The following ANKIB1 variants were observed in gnomAD, a reference collection of about 807,000 sequenced individuals.
The protein encoded by ANKIB1 is ankyrin repeat and IBR domain containing 1.
ANKIB1 carries 43 observed loss-of-function variants against 122.1 expected under a neutral mutation model. That is an observed-to-expected ratio of 0.35 (90% CI 0.28 to 0.45). ANKIB1 has a LOEUF of 0.45. Ranked by LOEUF, ANKIB1 falls within the 20% of genes least tolerant of loss-of-function variation. The pLI, the probability that ANKIB1 is intolerant of heterozygous loss-of-function variation, is 1.00. For synonymous variants in ANKIB1, 390 were observed against 442.0 expected, an observed-to-expected ratio of 0.88 and a Z score of 1.48; for missense variants, 992 against 1,329.5, an observed-to-expected ratio of 0.75 and a Z score of 3.95.
intron 3 of ANKIB1, among the ~76,000 whole-genome samples, chr7:92,314,815 T>A (rs1236765647): frequency 6.6e-6 from 1 of 152,118 alleles, no homozygotes; most frequent in Non-Finnish European, 1.5e-5. Context: ...CAGACATTGG[T>A]AAGTTGAGTA....
chr7:92,385,217 AAGTC>A (rs1451484651), intron 11 of ANKIB1, among the ~76,000 whole-genome samples: 3 of 152,250 alleles, frequency 2.0e-5, no homozygotes, highest in African/African-American at 7.2e-5. Flanking sequence ...GATCATTAAA[AAGTC>A]AGGAAACAAC....
Position 92,398,456 on chromosome 7 carries a change from G to A in ANKIB1, c.2777G>A (p.Gly926Glu). ...LELGDSLMRLGAENDPFSTDT... is the reference protein window; with the variant it reads ...LELGDSLMRLEAENDPFSTDT... Reference sequence around the variant, plus strand: ...CTTGGTGACAGCCTCATGAGACTAGGAGCAGAGAATGACCCATTTTCAACT... The same window carrying A: ...CTTGGTGACAGCCTCATGAGACTAGAAGCAGAGAATGACCCATTTTCAACT... Residue 926 changes from glycine (G) to glutamate (E), a missense_variant, in exon 20 of 20, where the codon GGA (glycine) becomes GAA (glutamate). Transcript: ENST00000265742. The A allele has an allele frequency of 6.2e-7, 1 of 1,613,876 alleles. No individual in the cohort carries two copies. Among genetic ancestry groups the A allele is most frequent in the East Asian group, 2.2e-5 (1 of 44,850 alleles).
At chr7:92,354,257 T>G (rs1585122430) in intron 9 of ANKIB1, among the ~76,000 whole-genome samples, 1 of 152,326 alleles carries the variant, frequency 6.6e-6, no homozygotes, top group East Asian at 1.9e-4. Flanking sequence ...GAATAACATT[T>G]GGAGAAATAC....
chr7:92,299,685 G>A (rs954630877), intron 2 of ANKIB1, among the ~76,000 whole-genome samples: 4 of 151,966 alleles, frequency 2.6e-5, no homozygotes, highest in African/African-American at 4.8e-5. Flanking sequence ...AAACAATGCC[G>A]CTCTTTTCAC....
At chr7:92,351,626 G>A (rs1483488286) in intron 8 of ANKIB1, among the ~76,000 whole-genome samples, 1 of 150,874 alleles carries the variant, frequency 6.6e-6, no homozygotes, top group Non-Finnish European at 1.5e-5. Flanking sequence ...TCTTTTGCGT[G>A]TGTGATTTAA....
intron 3 of ANKIB1, among the ~76,000 whole-genome samples, chr7:92,317,134 G>T (rs1802810647): frequency 6.6e-6 from 1 of 152,172 alleles, no homozygotes; most frequent in Admixed American, 6.5e-5. Context: ...TCCTGCTATG[G>T]ATATGATAAG....
chr7:92,319,623 T>TTAGAATA, intron 4 of ANKIB1, 111 bp downstream of exon 4: 3 of 1,065,960 alleles, frequency 2.8e-6, no homozygotes, highest in Non-Finnish European at 4.1e-6. Context: ...TTTACAGTAT[T>TTAGAATA]CTAAATATCC....
Position 92,307,662 on chromosome 7 carries a change from T to A in ANKIB1, c.486+6T>A, listed in dbSNP as rs1263907812. The A allele has an allele frequency of 3.6e-5, 14 of 385,756 alleles. No individual in the cohort carries two copies. Among genetic ancestry groups the A allele is most frequent in the South Asian group, 6.5e-5 (1 of 15,306 alleles). The allele number at this position is 385,756 out of a possible 1,614,324, so 23.9% of individuals were successfully genotyped here. On this transcript the variant is annotated splice_donor_region_variant and intron_variant, in intron 3 of 19. Transcript: ENST00000265742. ...GGATGAAAGCCTGTGTAGAGGTAAATTTTTTTTTTTTTTAATATTCTGCAT... is the reference window on the plus strand; with the variant it reads ...GGATGAAAGCCTGTGTAGAGGTAAAATTTTTTTTTTTTTAATATTCTGCAT...
At chr7:92,357,765 A>C (rs985470000) in intron 9 of ANKIB1, among the ~76,000 whole-genome samples, 1 of 151,428 alleles carries the variant, frequency 6.6e-6, no homozygotes. Context: ...AGAAAAAAAA[A>C]CTTTCTTTAG....
At chr7:92,359,518 G>A (rs1490937397) in intron 9 of ANKIB1, among the ~76,000 whole-genome samples, 1 of 152,142 alleles carries the variant, frequency 6.6e-6, no homozygotes, top group East Asian at 1.9e-4. Flanking sequence ...TGTGAATAGT[G>A]CTGCAATAAA....
intron 1 of ANKIB1, among the ~76,000 whole-genome samples, chr7:92,258,202 A>G (rs977356479): frequency 1.3e-5 from 2 of 152,222 alleles, no homozygotes; most frequent in African/African-American, 4.8e-5. Context: ...TTATCTTTTA[A>G]CTACCCAAAA....
At chr7:92,334,777 C>T (rs1803251647) in intron 5 of ANKIB1, among the ~76,000 whole-genome samples, 1 of 151,818 alleles carries the variant, frequency 6.6e-6, no homozygotes, top group South Asian at 2.1e-4. Context: ...TAAAGCTTTT[C>T]ATATCAATAG....
At chr7:92,265,528 A>G (rs1262347870) in intron 1 of ANKIB1, among the ~76,000 whole-genome samples, 1 of 152,238 alleles carries the variant, frequency 6.6e-6, no homozygotes, top group African/African-American at 2.4e-5. Context: ...CAAGCCATTG[A>G]ATTATGCTGT....
rs1328605791 is a variant in ANKIB1, at chr7:92,400,085, C to T, written c.*1136C>T. ...AGTAATTCAAATTTCAATGTCTCTT[C>T]TGAAGTAACTATGCTATGAATTGCA... On this transcript the variant is annotated 3_prime_UTR_variant, in exon 20 of 20. Coordinates refer to ENST00000265742, the MANE Select transcript of ANKIB1 (RefSeq NM_019004.2). The T allele has an allele frequency of 6.6e-6, 1 of 152,212 alleles. No individual in the cohort carries two copies. Among genetic ancestry groups the T allele is most frequent in the African/African-American group, 2.4e-5 (1 of 41,446 alleles). The allele number at this position is 152,212 out of a possible 1,614,324, so 9.4% of individuals were successfully genotyped here.
chr7:92,389,183 C>G (rs1365956463), intron 14 of ANKIB1, among the ~76,000 whole-genome samples: 1 of 152,158 alleles, frequency 6.6e-6, no homozygotes, highest in Non-Finnish European at 1.5e-5. Context: ...AGCAAAACTT[C>G]ACACATTTCT....
At chr7:92,384,072 A>G in intron 11 of ANKIB1, among the ~76,000 whole-genome samples, 1 of 152,240 alleles carries the variant, frequency 6.6e-6, no homozygotes, top group East Asian at 1.9e-4. Flanking sequence ...TGCAAAACTC[A>G]CAAGCATTCT....
At chr7:92,378,376 T>C (rs1396513797) in intron 11 of ANKIB1, among the ~76,000 whole-genome samples, 1 of 151,144 alleles carries the variant, frequency 6.6e-6, no homozygotes, top group Non-Finnish European at 1.5e-5. Flanking sequence ...TCCACCTATA[T>C]AAGAATGGTT....
intron 14 of ANKIB1, among the ~76,000 whole-genome samples, chr7:92,389,282 CT>C (rs1804733182): frequency 6.6e-6 from 1 of 151,828 alleles, no homozygotes; most frequent in African/African-American, 2.4e-5. Context: ...ATCTGAGTTT[CT>C]GCAGTATTTG....
intron 5 of ANKIB1, among the ~76,000 whole-genome samples, chr7:92,339,112 G>T (rs1257546570): frequency 6.6e-5 from 8 of 121,604 alleles, no homozygotes; most frequent in Non-Finnish European, 8.0e-5. Context: ...CACTATCTCT[G>T]CTCACTGCAA....
Sources: allele counts gnomAD v4.1 joint callset (sites outside exome capture counted in the v4.1 genomes callset), GRCh38; gene constraint gnomAD v4.1.1; transcripts MANE v1.5; gene names NCBI Gene and HGNC (gene_info 2026-07-23, HGNC 2026-07-21).